Variants in STIM1 observed in about 807,000 individuals in gnomAD.
The protein encoded by STIM1 is stromal interaction molecule 1.
STIM1 carries 25 observed loss-of-function variants against 74.7 expected under a neutral mutation model. The observed-to-expected ratio is 0.33, with a 90% CI of 0.24 to 0.47. The LOEUF (loss-of-function observed/expected upper bound fraction) is 0.47, where lower values mean the gene tolerates loss of function less well. STIM1 is among the 20% of genes least tolerant of loss of function. The pLI is 1.00. For missense variants in STIM1, 728 were observed against 920.8 expected (o/e 0.79, Z 2.71); for synonymous variants, 328 against 348.8 (o/e 0.94, Z 0.66).
intron 5 of STIM1, among the ~76,000 whole-genome samples, chr11:4,061,606 CAG>C (rs1165680879): frequency 6.6e-6 from 1 of 152,130 alleles, no homozygotes; most frequent in African/African-American, 2.4e-5. Context: ...AAATTAGACA[CAG>C]AGTTACCCTA....
At chr11:4,044,342 C>A (rs2094173502) in intron 3 of STIM1, among the ~76,000 whole-genome samples, 1 of 152,218 alleles carries the variant, frequency 6.6e-6, no homozygotes, top group Non-Finnish European at 1.5e-5. Context: ...TCTGTACTTG[C>A]TGTTGCCTTC....
At chr11:4,013,091 A>G (rs2093855631) in intron 2 of STIM1, among the ~76,000 whole-genome samples, 1 of 152,182 alleles carries the variant, frequency 6.6e-6, no homozygotes, top group Non-Finnish European at 1.5e-5. Context: ...ATCATGGTGG[A>G]TAAGCTTTTT....
rs201297020 is a variant in STIM1, at chr11:4,091,502, C to T, written c.1855C>T (p.His619Tyr). The T allele has an allele frequency of 2.5e-5, 40 of 1,614,194 alleles. No individual in the cohort carries two copies. Among genetic ancestry groups the T allele is most frequent in the Non-Finnish European group, 1.7e-6 (2 of 1,180,030 alleles). The change falls in exon 13 of 13, where the codon CAT (histidine) becomes TAT (tyrosine). Residue 619 changes from histidine (H) to tyrosine (Y), a missense_variant. Coordinates refer to ENST00000526596, the MANE Select transcript of STIM1 (RefSeq NM_001382567.1). ...CAAGAAGGCATTACTGGCGCTGAAC[C>T]ATGGGCTGGACAAGGCCCACAGCCT... ...LAKKALLALN[H>Y]GLDKAHSLME... is the part of the protein sequence containing the mutation.
chr11:3,918,102 C>T (rs1234928139), intron 1 of STIM1, among the ~76,000 whole-genome samples: 5 of 152,116 alleles, frequency 3.3e-5, no homozygotes, highest in African/African-American at 9.7e-5. Flanking sequence ...GTCATTAGGA[C>T]TCACTCTCTC....
rs765248656 is a variant in STIM1 at position 3,856,279 on chromosome 11, A to G, written c.9A>G (p.Val3=). ...GACTGAGACCTAGAGTCATGGATGT[A>G]TGCGTCCGTCTTGCCCTGTGGCTCC... MD[V]CVRLALWLLW... is the part of the protein sequence containing the mutation. Residue 3 remains valine (V), a synonymous_variant, in exon 1 of 13, where the codon GTA becomes GTG. Transcript: ENST00000526596. The G allele has an allele frequency of 9.9e-6, 16 of 1,614,140 alleles. 1 individual carries two copies. In the Middle Eastern group the frequency reaches 4.9e-4, roughly 50 times the overall value.
chr11:3,971,669 T>C (rs1170081068), intron 2 of STIM1, among the ~76,000 whole-genome samples: 2 of 152,220 alleles, frequency 1.3e-5, no homozygotes, highest in Non-Finnish European at 2.9e-5. Context: ...CTGGAACCAA[T>C]GATCCCTTTT....
In STIM1 at chr11:3,870,145, A is replaced by G. The variant is rs374966284; in HGVS notation, c.139+13736A>G. ...TGCTTATTTCACATTGCTACATTTTACAAATGAGTTTTCTGGGGTCCAAAG... is the reference window on the plus strand; with the variant it reads ...TGCTTATTTCACATTGCTACATTTTGCAAATGAGTTTTCTGGGGTCCAAAG... On this transcript the variant is annotated intron_variant, in intron 1 of 12. Transcript: ENST00000526596. Among the ~76,000 whole-genome samples, 52 of 152,330 alleles carry G rather than the reference A, an allele frequency of 3.4e-4. 1 individual carries two copies. The highest frequency in any genetic ancestry group is 1.2e-3 in the African/African-American group (49 of 41,588).
At chr11:4,025,441 C>T (rs2093991065) in intron 3 of STIM1, among the ~76,000 whole-genome samples, 1 of 152,122 alleles carries the variant, frequency 6.6e-6, no homozygotes, top group South Asian at 2.1e-4. Flanking sequence ...TTTAATAGCT[C>T]TCGAGCAACT....
intron 3 of STIM1, among the ~76,000 whole-genome samples, chr11:4,050,989 AAG>A (rs1010272654): frequency 2.6e-5 from 4 of 152,274 alleles, no homozygotes; most frequent in East Asian, 1.9e-4. Flanking sequence ...GAGGAGGAAG[AAG>A]AGAGATTAGT....
rs1282497550 is a variant in STIM1 at position 3,895,610 on chromosome 11, CTTTCTTTCTTTCTTTCTTTCTTTCTT to C, written c.139+39203_139+39228del. On this transcript the variant is annotated intron_variant, in intron 1 of 12. Transcript: ENST00000526596. ...GGAATAGTGTTCTTTCTTTCTCTCT[CTTTCTTTCTTTCTTTCTTTCTTTCTT>C]TCTTTCTTTCTTTCTTTCTTTCTTT... Among the ~76,000 whole-genome samples the C allele has an allele frequency of 8.0e-3, 318 of 39,908 alleles. 9 individuals carry two copies. The highest frequency in any genetic ancestry group is 0.036 in the African/African-American group (305 of 8,414). 26.2% of individuals were successfully genotyped at this position (39,908 alleles called of 152,430 possible). A position where few individuals can be genotyped will look rare whatever the true frequency, so the allele number is the denominator to read the frequency against.
At chr11:3,880,309 G>T (rs976010541) in intron 1 of STIM1, among the ~76,000 whole-genome samples, 9 of 152,198 alleles carry the variant, frequency 5.9e-5, no homozygotes, top group African/African-American at 1.9e-4. Flanking sequence ...TGTGACCCTT[G>T]CAGGTTACTT....
At chr11:3,867,550 CTTG>C (rs781446358) in intron 1 of STIM1, among the ~76,000 whole-genome samples, 2 of 152,226 alleles carry the variant, frequency 1.3e-5, no homozygotes, top group Non-Finnish European at 2.9e-5. Flanking sequence ...CACTCCTGGG[CTTG>C]TTGTGCAGCA....
intron 2 of STIM1, chr11:3,989,291 C>T (rs1565138377): frequency 4.3e-6 from 4 of 928,784 alleles, no homozygotes; most frequent in Non-Finnish European, 7.2e-6. Flanking sequence ...CCCTTTGCTC[C>T]CCTTTTCCCT....
intron 2 of STIM1, among the ~76,000 whole-genome samples, chr11:4,023,085 C>T (rs1033557731): frequency 1.3e-5 from 2 of 152,150 alleles, no homozygotes; most frequent in Admixed American, 6.5e-5. Flanking sequence ...AATCCTAGCA[C>T]TTTCGGAGAC....
At chr11:4,090,666 G>T (rs945630356) in intron 12 of STIM1, among the ~76,000 whole-genome samples, 1 of 152,210 alleles carries the variant, frequency 6.6e-6, no homozygotes, top group Non-Finnish European at 1.5e-5. Context: ...AGGAGTAAGT[G>T]GGGAAGGAAG....
At chr11:4,004,425 A>T (rs2093755313) in intron 2 of STIM1, among the ~76,000 whole-genome samples, 1 of 151,362 alleles carries the variant, frequency 6.6e-6, no homozygotes, top group African/African-American at 2.4e-5. Flanking sequence ...CCTCAGAAAT[A>T]ACGCCGCATA....
rs765806444 is a variant in STIM1, at chr11:4,086,502, G to A, written c.1593G>A (p.Arg531=). The A allele has an allele frequency of 8.1e-6, 13 of 1,614,140 alleles. 1 individual carries two copies. Among genetic ancestry groups the A allele is most frequent in the Middle Eastern group, 1.6e-4 (1 of 6,062 alleles). ...CCCCTAGCCTGCAGAGCAGTGTTCG[G>A]CAGCGCCTGACGGAGCCACAGCATG... ...YPAPSLQSSV[R]QRLTEPQHGL... is the part of the protein sequence containing the mutation. The change falls in exon 12 of 13, where the codon CGG becomes CGA. Residue 531 remains arginine (R), a synonymous_variant. Coordinates refer to ENST00000526596, the MANE Select transcript of STIM1 (RefSeq NM_001382567.1).
At position 4,070,032 on chromosome 11, in the gene STIM1, G is replaced by A. The variant is rs745319940; in HGVS notation, c.620G>A (p.Arg207His). ...GCCCTCCCCTCTCTGGCAGTGACTC[G>A]CCATAATCACCTCAAGGACTTCATG... ...TVLFGPPLLT[R>H]HNHLKDFMLV... Residue 207 changes from arginine (R) to histidine (H), a missense_variant, in exon 6 of 13, where the codon CGC becomes CAC. Coordinates refer to ENST00000526596, the MANE Select transcript of STIM1 (RefSeq NM_001382567.1). 5.0e-6 allele frequency: 8 copies of A among 1,614,036 alleles called. No individual in the cohort carries two copies. The highest frequency in any genetic ancestry group is 1.7e-4 in the Middle Eastern group (1 of 5,976).
intron 7 of STIM1, among the ~76,000 whole-genome samples, chr11:4,076,644 C>G (rs2094439068): frequency 6.7e-6 from 1 of 150,166 alleles, no homozygotes; most frequent in Non-Finnish European, 1.5e-5. Flanking sequence ...TTCAAATTAA[C>G]TTTTGTATGT....
Sources: allele counts gnomAD v4.1 joint callset (sites outside exome capture counted in the v4.1 genomes callset), GRCh38; gene constraint gnomAD v4.1.1; transcripts MANE v1.5; gene names NCBI Gene and HGNC (gene_info 2026-07-23, HGNC 2026-07-21).